Variants in SORCS1 observed in about 807,000 individuals in gnomAD.
The protein encoded by SORCS1 is sortilin related VPS10 domain containing receptor 1.
Under a neutral mutation model 146.1 loss-of-function variants are expected in SORCS1, and 60 were observed. The observed-to-expected ratio is 0.41, with a 90% CI of 0.33 to 0.51. The LOEUF (loss-of-function observed/expected upper bound fraction) is 0.51, where lower values mean the gene tolerates loss of function less well. Ranked by LOEUF, SORCS1 falls within the 20% of genes least tolerant of loss-of-function variation. SORCS1 has a pLI of 0.21. For missense variants in SORCS1, 1,352 were observed against 1,487.6 expected (o/e 0.91, Z 1.50); for synonymous variants, 637 against 584.0 (o/e 1.09, Z -1.31).
rs10684476 is a variant in SORCS1, at chr10:106,736,602, T to TA, written c.960-6489dup. Among the ~76,000 whole-genome samples the TA allele has an allele frequency of 5.2e-4, 20 of 38,774 alleles. 1 individual carries two copies. Among genetic ancestry groups the TA allele is most frequent in the African/African-American group, 1.2e-3 (17 of 14,442 alleles). The allele number at this position is 38,774 out of a possible 152,430, so 25.4% of individuals were successfully genotyped here. ...AAAACATCATCAAGATAACCCTGGT[T>TA]AAAAAAAAAAAAAAAAAAAGATAAC... On this transcript the variant is annotated intron_variant, in intron 5 of 25. Transcript: ENST00000263054.
chr10:106,840,245 T>A (rs973695838), intron 2 of SORCS1, among the ~76,000 whole-genome samples: 1 of 152,206 alleles, frequency 6.6e-6, no homozygotes, highest in Non-Finnish European at 1.5e-5. Context: ...ACATTCATAA[T>A]TCATGGGAGG....
chr10:106,670,053 G>A (rs1190295587), intron 16 of SORCS1, among the ~76,000 whole-genome samples: 10 of 152,252 alleles, frequency 6.6e-5, no homozygotes, highest in South Asian at 2.1e-4. Context: ...GTTCTTATAC[G>A]GGTCAAGTAT....
At chr10:107,081,862 T>C (rs1054366192) in intron 1 of SORCS1, among the ~76,000 whole-genome samples, 2 of 152,224 alleles carry the variant, frequency 1.3e-5, no homozygotes, top group Admixed American at 6.5e-5. Context: ...AAGGAAACCA[T>C]TGCTGTGAGC....
intron 19 of SORCS1, among the ~76,000 whole-genome samples, chr10:106,626,180 T>TTG (rs1166069981): frequency 6.6e-6 from 1 of 152,120 alleles, no homozygotes; most frequent in Non-Finnish European, 1.5e-5. Flanking sequence ...GGCAATGGGC[T>TTG]TTCAAGATTG....
At chr10:106,894,237 ATGTG>A (rs142672801) in intron 2 of SORCS1, among the ~76,000 whole-genome samples, 1 of 140,936 alleles carries the variant, frequency 7.1e-6, no homozygotes, top group Non-Finnish European at 1.5e-5. Flanking sequence ...GCATGTGTGC[ATGTG>A]TGTGTGTGTG....
intron 1 of SORCS1, among the ~76,000 whole-genome samples, chr10:107,112,393 C>T (rs912351057): frequency 2.6e-5 from 4 of 151,726 alleles, no homozygotes; most frequent in African/African-American, 9.7e-5. Flanking sequence ...CTAGTAGATA[C>T]ACAAACCATA....
At chr10:106,719,480 T>C (rs1010697463) in intron 6 of SORCS1, among the ~76,000 whole-genome samples, 1 of 152,032 alleles carries the variant, frequency 6.6e-6, no homozygotes, top group Non-Finnish European at 1.5e-5. Context: ...TGGCACCATC[T>C]TGGCTCACTG....
intron 1 of SORCS1, among the ~76,000 whole-genome samples, chr10:107,000,899 G>A (rs1171576894): frequency 2.0e-5 from 3 of 152,168 alleles, no homozygotes; most frequent in African/African-American, 7.2e-5. Context: ...TATTTTGAGA[G>A]AACACTAGAA....
intron 2 of SORCS1, among the ~76,000 whole-genome samples, chr10:106,882,331 T>C (rs1950836234): frequency 6.6e-6 from 1 of 152,082 alleles, no homozygotes. Flanking sequence ...TTTATAGATT[T>C]GTGTTGGGAT....
chr10:106,909,676 T>C (rs1952056482), intron 2 of SORCS1, among the ~76,000 whole-genome samples: 1 of 152,236 alleles, frequency 6.6e-6, no homozygotes, highest in African/African-American at 2.4e-5. Context: ...AAGAGTTGTG[T>C]GCATTCTGTG....
chr10:107,134,734 G>C (rs1967136357), intron 1 of SORCS1, among the ~76,000 whole-genome samples: 2 of 152,198 alleles, frequency 1.3e-5, no homozygotes, highest in South Asian at 4.1e-4. Context: ...GGACAAGTCA[G>C]CAGAGGAAAA....
intron 1 of SORCS1, among the ~76,000 whole-genome samples, chr10:107,084,400 G>A (rs1231977804): frequency 6.6e-6 from 1 of 151,912 alleles, no homozygotes; most frequent in East Asian, 1.9e-4. Context: ...GCCACACCTG[G>A]CCAGGAAAAG....
In SORCS1 at chr10:107,164,535, C is replaced by A. The variant is rs1036885294; in HGVS notation, c.-9G>T. ...GCGCCAACTTTTCCCATCGCGGGAGCGAAGAGCAGCGGAGAGAGGGGTCCC... is the reference window on the plus strand; with the variant it reads ...GCGCCAACTTTTCCCATCGCGGGAGAGAAGAGCAGCGGAGAGAGGGGTCCC... On this transcript the variant is annotated 5_prime_UTR_variant, in exon 1 of 26. Coordinates refer to ENST00000263054, the MANE Select transcript of SORCS1 (RefSeq NM_052918.5). The surrounding 1 kb of genome is among the most constrained non-coding windows in gnomAD (Gnocchi z 6.8). 1 of 1,344,184 alleles carries A rather than the reference C, an allele frequency of 7.4e-7. No homozygotes were observed. The highest frequency in any genetic ancestry group is 9.5e-7 in the Non-Finnish European group (1 of 1,055,210). 83.3% of individuals were successfully genotyped at this position (1,344,184 alleles called of 1,614,324 possible). A position where few individuals can be genotyped will look rare whatever the true frequency, so the allele number is the denominator to read the frequency against.
intron 1 of SORCS1, among the ~76,000 whole-genome samples, chr10:106,958,830 G>T (rs563297234): frequency 6.6e-6 from 1 of 152,292 alleles, no homozygotes; most frequent in African/African-American, 2.4e-5. Context: ...GCCATCCCAG[G>T]AACGCTGATC....
intron 18 of SORCS1, among the ~76,000 whole-genome samples, chr10:106,642,661 A>G (rs1431382434): frequency 6.6e-6 from 1 of 152,042 alleles, no homozygotes; most frequent in Non-Finnish European, 1.5e-5. Flanking sequence ...GCCTCTGAAG[A>G]AATACACGTA....
chr10:106,639,438 C>T (rs1848922983), intron 18 of SORCS1, among the ~76,000 whole-genome samples: 1 of 152,142 alleles, frequency 6.6e-6, no homozygotes, highest in African/African-American at 2.4e-5. Flanking sequence ...TTCTTTGAGA[C>T]CCTAAAGAAC....
At chr10:106,829,505 A>T in intron 3 of SORCS1, 69 bp downstream of exon 3, 2 of 1,100,800 alleles carry the variant, frequency 1.8e-6, no homozygotes, top group Non-Finnish European at 2.7e-6. Context: ...TTAGGTAGCT[A>T]GAGTGGTTAG....
chr10:106,946,019 C>T (rs1311963683), intron 2 of SORCS1, among the ~76,000 whole-genome samples: 8 of 152,178 alleles, frequency 5.3e-5, no homozygotes, highest in Non-Finnish European at 1.0e-4. Context: ...AATCTCTGGG[C>T]TTTTCCCACT....
chr10:106,806,847 C>G (rs1947214217), intron 3 of SORCS1, among the ~76,000 whole-genome samples: 1 of 152,038 alleles, frequency 6.6e-6, no homozygotes, highest in Non-Finnish European at 1.5e-5. Flanking sequence ...GAAAACTCCA[C>G]CTTCCCTATT....
Sources: allele counts gnomAD v4.1 joint callset (sites outside exome capture counted in the v4.1 genomes callset), GRCh38; gene constraint gnomAD v4.1.1; non-coding constraint Gnocchi (gnomAD v3.1); transcripts MANE v1.5; gene names NCBI Gene and HGNC (gene_info 2026-07-23, HGNC 2026-07-21).